Variants in SLIT2 observed in about 807,000 individuals in gnomAD.
SLIT2 encodes the protein slit guidance ligand 2.
SLIT2 carries 41 observed loss-of-function variants against 185.7 expected under a neutral mutation model. The ratio of observed to expected loss-of-function variants is 0.22; its 90% confidence interval spans 0.17 to 0.29. SLIT2 has a LOEUF of 0.29. Among genes scored for constraint, SLIT2 ranks in the 10% least tolerant of loss-of-function variants. The pLI, the probability that SLIT2 is intolerant of heterozygous loss-of-function variation, is 1.00. For synonymous variants in SLIT2, 693 were observed against 680.2 expected (o/e 1.02, Z -0.29); for missense variants, 1,571 against 1,909.0 (o/e 0.82, Z 3.30).
chr4:20,533,879 T>TACACACACACAC (rs1560172383), intron 18 of SLIT2, among the ~76,000 whole-genome samples, 164 bp downstream of exon 18: 2 of 151,366 alleles, frequency 1.3e-5, no homozygotes, highest in African/African-American at 4.9e-5. Context: ...CACACACACA[T>TACACACACACAC]GTATTGTGAA....
At chr4:20,257,707 T>C (rs1319943075) in intron 2 of SLIT2, among the ~76,000 whole-genome samples, 161 bp from the exon 3 acceptor site, 1 of 151,944 alleles carries the variant, frequency 6.6e-6, no homozygotes, top group African/African-American at 2.4e-5. Flanking sequence ...TTCCATGAGT[T>C]CACTCAGATA....
chr4:20,265,223 C>A (rs1043000596), intron 3 of SLIT2, among the ~76,000 whole-genome samples: 2 of 151,882 alleles, frequency 1.3e-5, no homozygotes, highest in African/African-American at 4.8e-5. Flanking sequence ...TTGTTATATA[C>A]CTTAATAGTC....
At chr4:20,507,692 T>G (rs2148821179) in intron 9 of SLIT2, among the ~76,000 whole-genome samples, 1 of 151,844 alleles carries the variant, frequency 6.6e-6, no homozygotes, top group East Asian at 1.9e-4. Flanking sequence ...ATTGGTTTCT[T>G]TAGATTATTT....
chr4:20,519,478 T>C, intron 12 of SLIT2, 25 bp downstream of exon 12: 1 of 1,376,150 alleles, frequency 7.3e-7, no homozygotes, highest in Non-Finnish European at 1.0e-6. Context: ...GTTTTGGATC[T>C]CTCGAGCCTA....
intron 4 of SLIT2, among the ~76,000 whole-genome samples, chr4:20,466,517 A>T (rs1406763943): frequency 6.6e-6 from 1 of 152,100 alleles, no homozygotes; most frequent in South Asian, 2.1e-4. Flanking sequence ...TAGCAAAAAA[A>T]CATTGAGGAT....
At chr4:20,442,102 A>C (rs1171902136) in intron 4 of SLIT2, among the ~76,000 whole-genome samples, 3 of 152,088 alleles carry the variant, frequency 2.0e-5, no homozygotes, top group African/African-American at 7.2e-5. Context: ...ACTGGGTTCA[A>C]ATGAGATCTT....
At chr4:20,427,556 A>G (rs1037636975) in intron 4 of SLIT2, among the ~76,000 whole-genome samples, 5 of 152,120 alleles carry the variant, frequency 3.3e-5, no homozygotes, top group African/African-American at 7.2e-5. Flanking sequence ...TCCAAAGTTA[A>G]TTAATAACGG....
intron 30 of SLIT2, among the ~76,000 whole-genome samples, chr4:20,594,285 A>T (rs1456911585): frequency 3.3e-5 from 5 of 150,802 alleles, no homozygotes; most frequent in Admixed American, 1.3e-4. Context: ...GTGTATGTAT[A>T]TGTGTGTATA....
intron 29 of SLIT2, among the ~76,000 whole-genome samples, chr4:20,578,795 T>C (rs959952885): frequency 3.9e-5 from 6 of 152,242 alleles, no homozygotes; most frequent in Non-Finnish European, 7.3e-5. Context: ...TAAAGAGAGA[T>C]ACTCAACATC....
At position 20,501,078 on chromosome 4, in the gene SLIT2, T is replaced by C. The variant is rs183781138; in HGVS notation, c.914+9179T>C. 1.0e-3 allele frequency among the ~76,000 whole-genome samples: 157 copies of C among 152,322 alleles called. 1 individual carries two copies. The highest frequency in any genetic ancestry group is 3.6e-3 in the African/African-American group (148 of 41,562). On this transcript the variant is annotated intron_variant, in intron 9 of 36. Coordinates refer to ENST00000504154, the MANE Select transcript of SLIT2 (RefSeq NM_004787.4). The stretch of plus-strand genomic sequence containing the variant: ...TTAGTAGTCTTAATGTCATTGTATG[T>C]GAATTTTTTATGTAAACATCATTCA...
chr4:20,459,358 G>T (rs1713443698), intron 4 of SLIT2, among the ~76,000 whole-genome samples: 2 of 152,128 alleles, frequency 1.3e-5, no homozygotes, highest in South Asian at 4.1e-4. Flanking sequence ...ATAAAGCAAT[G>T]ATCACATCAG....
intron 3 of SLIT2, among the ~76,000 whole-genome samples, chr4:20,262,873 T>C (rs1200096084): frequency 6.6e-6 from 1 of 151,872 alleles, no homozygotes; most frequent in Non-Finnish European, 1.5e-5. Context: ...GCAACAGTTT[T>C]TATGGGCCTT....
chr4:20,540,832 T>C (rs1320640844), intron 19 of SLIT2, among the ~76,000 whole-genome samples: 1 of 152,224 alleles, frequency 6.6e-6, no homozygotes, highest in African/African-American at 2.4e-5. Flanking sequence ...ATGGCATGTT[T>C]ATAAATAATG....
At chr4:20,470,255 A>G (rs1001078541) in intron 5 of SLIT2, among the ~76,000 whole-genome samples, 5 of 152,302 alleles carry the variant, frequency 3.3e-5, no homozygotes, top group Admixed American at 2.0e-4. Flanking sequence ...GTAACATGAA[A>G]TGATTAGCAA....
intron 4 of SLIT2, among the ~76,000 whole-genome samples, chr4:20,310,021 C>G (rs1349917550): frequency 6.6e-6 from 1 of 151,996 alleles, no homozygotes; most frequent in African/African-American, 2.4e-5. Context: ...TCGGCCTCCC[C>G]AAGTGCTGGG....
At chr4:20,461,038 A>C (rs1713648135) in intron 4 of SLIT2, among the ~76,000 whole-genome samples, 1 of 152,248 alleles carries the variant, frequency 6.6e-6, no homozygotes, top group Non-Finnish European at 1.5e-5. Flanking sequence ...CATCTTACAG[A>C]TAAGCAAATG....
chr4:20,466,649 A>C (rs1025697191), intron 4 of SLIT2, among the ~76,000 whole-genome samples: 2 of 152,222 alleles, frequency 1.3e-5, no homozygotes, highest in Non-Finnish European at 2.9e-5. Context: ...CAAATGTATG[A>C]ACAAGAAACT....
At chr4:20,381,750 A>T (rs1432614379) in intron 4 of SLIT2, among the ~76,000 whole-genome samples, 1 of 152,126 alleles carries the variant, frequency 6.6e-6, no homozygotes, top group Non-Finnish European at 1.5e-5. Context: ...TTCTGCTAAC[A>T]TTTAAAGAAA....
At chr4:20,338,077 A>G (rs1323184298) in intron 4 of SLIT2, among the ~76,000 whole-genome samples, 2 of 152,208 alleles carry the variant, frequency 1.3e-5, no homozygotes, top group Admixed American at 1.3e-4. Flanking sequence ...GTAATTTTTC[A>G]AGGATATCAC....
Sources: gnomAD v4.1 joint callset for allele counts (sites outside exome capture counted in the v4.1 genomes callset) on GRCh38, gnomAD v4.1.1 for gene constraint, MANE v1.5 for transcripts, NCBI Gene and HGNC (gene_info 2026-07-23, HGNC 2026-07-21) for gene names.